Variants in UTP18 observed in about 807,000 individuals in gnomAD.
The protein encoded by UTP18 is U3 small nucleolar RNA-associated protein 18 homolog.
UTP18 carries 36 observed loss-of-function variants against 61.1 expected under a neutral mutation model. That is an observed-to-expected ratio of 0.59 (90% confidence interval 0.45 to 0.78). UTP18 has a LOEUF of 0.78. Among genes scored for constraint, UTP18 ranks in the 30% least tolerant of loss-of-function variants. UTP18 has a pLI of 0.00. For synonymous variants in UTP18, 282 were observed against 251.1 expected (o/e 1.12, Z -1.16); for missense variants, 753 against 693.9 (o/e 1.09, Z -0.96).
At position 51,260,616 on chromosome 17, in the gene UTP18, T is replaced by G. The variant is rs778938607; in HGVS notation, c.32T>G (p.Leu11Arg). 2.2e-5 allele frequency: 35 copies of G among 1,612,508 alleles called. No homozygotes were observed. The highest frequency in any genetic ancestry group is 3.3e-5 in the Admixed American group (2 of 59,974). Residue 11 changes from leucine (L) to arginine (R), a missense_variant, in exon 1 of 14, where the codon CTG (leucine) becomes CGG (arginine). By Grantham distance (102) the Leu-to-Arg change is moderately radical. Coordinates refer to ENST00000225298, the MANE Select transcript of UTP18 (RefSeq NM_016001.3). ...CCGGAGCGGAGGAGACGAATGAAAC[T>G]GGACCGGAGAACCGGAGCGAAGCCG... MPPERRRRMKLDRRTGAKPKR... is the reference protein window; with the variant it reads MPPERRRRMKRDRRTGAKPKR...
chr17:51,260,638 G>A lies in UTP18; in HGVS notation c.54G>A (p.Lys18=), dbSNP rs537645178. Residue 18 remains lysine (K), a synonymous_variant, in exon 1 of 14, where the codon AAG becomes AAA. Coordinates refer to ENST00000225298, the MANE Select transcript of UTP18 (RefSeq NM_016001.3). ...AACTGGACCGGAGAACCGGAGCGAA[G>A]CCGAAGCGGAAGCCCGGAATGAGGC... The part of the protein sequence containing the change: ...RMKLDRRTGA[K]PKRKPGMRPD... 3 of 1,612,614 alleles carry A rather than the reference G, an allele frequency of 1.9e-6. No homozygotes were observed. The highest frequency in any genetic ancestry group is 3.3e-5 in the Admixed American group (2 of 60,006).
chr17:51,271,385 T>C (rs1043573512), intron 4 of UTP18, among the ~76,000 whole-genome samples: 8 of 151,922 alleles, frequency 5.3e-5, no homozygotes, highest in Non-Finnish European at 1.0e-4. Context: ...TGGCTCACTG[T>C]AGTCTCGACC....
At position 51,260,798 on chromosome 17, in the gene UTP18, C is replaced by T. The variant is rs752926608; in HGVS notation, c.214C>T (p.Leu72Phe). ...AVAAAEEERR[L>F]RQRNRLRLEE... ...CGCGGCGGCGGAGGAAGAGAGACGG[C>T]TCCGGCAGCGGAACCGCCTGAGGCT... Residue 72 changes from leucine (L) to phenylalanine (F), a missense_variant, in exon 1 of 14, where the codon CTC (leucine) becomes TTC (phenylalanine). Leu to Phe is a conservative substitution (Grantham distance 22). Coordinates refer to ENST00000225298, the MANE Select transcript of UTP18 (RefSeq NM_016001.3). 9 of 1,581,308 alleles carry T rather than the reference C, an allele frequency of 5.7e-6. No homozygotes were observed. Among genetic ancestry groups the T allele is most frequent in the African/African-American group, 2.7e-5 (2 of 74,198 alleles).
At chr17:51,285,214 T>C (rs1464372973) in intron 9 of UTP18, 31 bp from the exon 10 acceptor site, 5 of 1,610,946 alleles carry the variant, frequency 3.1e-6, no homozygotes, top group Non-Finnish European at 4.2e-6. Flanking sequence ...AAAGCAAAAT[T>C]AACAACTCTT....
intron 3 of UTP18, among the ~76,000 whole-genome samples, chr17:51,266,631 A>G (rs1424027560): frequency 6.6e-6 from 1 of 152,156 alleles, no homozygotes; most frequent in South Asian, 2.1e-4. Flanking sequence ...TGCTTTGTGT[A>G]TTTGGGGGAT....
chr17:51,297,330 T>C (rs1014321585), intron 13 of UTP18, among the ~76,000 whole-genome samples: 4 of 152,336 alleles, frequency 2.6e-5, no homozygotes, highest in East Asian at 3.9e-4. Flanking sequence ...TCTTCAGATA[T>C]AGCTATAGCT....
chr17:51,294,123 T>G, intron 12 of UTP18, 78 bp downstream of exon 12: 10 of 1,204,862 alleles, frequency 8.3e-6, no homozygotes, highest in Non-Finnish European at 1.1e-5. Context: ...TATATATTCC[T>G]AATTCTACAG....
At chr17:51,293,442 C>T (rs532592941) in intron 11 of UTP18, among the ~76,000 whole-genome samples, 42 of 151,028 alleles carry the variant, frequency 2.8e-4, no homozygotes, top group African/African-American at 8.5e-4. Context: ...ACCCACGGCG[C>T]AGGACGGTTT....
At chr17:51,268,666 C>T (rs1322336224) in intron 3 of UTP18, among the ~76,000 whole-genome samples, 171 bp from the exon 4 acceptor site, 1 of 152,150 alleles carries the variant, frequency 6.6e-6, no homozygotes, top group Admixed American at 6.5e-5. Context: ...CAGGTTGGGA[C>T]TGTTCTGTGT....
intron 3 of UTP18, among the ~76,000 whole-genome samples, chr17:51,266,656 A>G (rs1006584930): frequency 1.3e-5 from 2 of 152,172 alleles, no homozygotes; most frequent in Admixed American, 6.5e-5. Context: ...GTGCTTTCCC[A>G]ATGTATTTGA....
In UTP18 at chr17:51,260,583, C is replaced by A. The variant is rs749340207; in HGVS notation, c.-2C>A. On this transcript the variant is annotated 5_prime_UTR_variant, in exon 1 of 14. Coordinates refer to ENST00000225298, the MANE Select transcript of UTP18 (RefSeq NM_016001.3). Reference sequence around the variant, plus strand: ...CGCCTGCGTTTCTCCTCAAACCTAACGATGCCGCCGGAGCGGAGGAGACGA... The same window carrying A: ...CGCCTGCGTTTCTCCTCAAACCTAAAGATGCCGCCGGAGCGGAGGAGACGA... 4.3e-6 allele frequency: 7 copies of A among 1,611,476 alleles called. No individual in the cohort carries two copies. In the Admixed American group the frequency reaches 1.2e-4, roughly 27 times the overall value.
At chr17:51,295,169 A>G (rs1905335133) in intron 12 of UTP18, among the ~76,000 whole-genome samples, 1 of 152,086 alleles carries the variant, frequency 6.6e-6, no homozygotes, top group African/African-American at 2.4e-5. Context: ...CTCTGATGGT[A>G]GTTTCTTTTG....
rs747753017 is a variant in UTP18 at position 51,260,849 on chromosome 17, C to T, written c.265C>T (p.Arg89Trp). 3 of 1,600,606 alleles carry T rather than the reference C, an allele frequency of 1.9e-6. No individual in the cohort carries two copies. Among genetic ancestry groups the T allele is most frequent in the African/African-American group, 1.3e-5 (1 of 74,594 alleles). ...RLEEDKPAVE[R>W]CLEELVFGDV... The stretch of plus-strand genomic sequence containing the variant: ...GGAGGAGGACAAACCGGCCGTGGAG[C>T]GGTGCTTGGAGGAGCTGGTCTTCGG... Residue 89 changes from arginine to tryptophan, a missense_variant, in exon 1 of 14, where the codon CGG (arginine) becomes TGG (tryptophan). By Grantham distance (101) the Arg-to-Trp change is moderately radical (BLOSUM62 -3). Coordinates refer to ENST00000225298, the MANE Select transcript of UTP18 (RefSeq NM_016001.3).
At chr17:51,272,284 A>C (rs188095192) in intron 4 of UTP18, among the ~76,000 whole-genome samples, 8 of 152,084 alleles carry the variant, frequency 5.3e-5, no homozygotes, top group African/African-American at 1.7e-4. Context: ...TTTTTAGTAG[A>C]GACGGGGTTT....
At chr17:51,279,845 G>A (rs1597848671) in intron 7 of UTP18, among the ~76,000 whole-genome samples, 160 bp from the exon 8 acceptor site, 1 of 152,316 alleles carries the variant, frequency 6.6e-6, no homozygotes, top group Admixed American at 6.5e-5. Context: ...GTCAAACTCA[G>A]TGATGCCTGC....
intron 10 of UTP18, chr17:51,286,470 T>C (rs1165829045): frequency 6.6e-6 from 3 of 456,180 alleles, no homozygotes; most frequent in African/African-American, 6.0e-5. Flanking sequence ...CTTTGTTCAC[T>C]CTCTCCTTCC....
chr17:51,296,668 G>T (rs1354026179), intron 12 of UTP18: 1 of 271,126 alleles, frequency 3.7e-6, no homozygotes, highest in Non-Finnish European at 6.9e-6. Flanking sequence ...ACTGTTTCTA[G>T]CTATACCAGT....
chr17:51,293,614 C>G (rs538899566), intron 11 of UTP18, among the ~76,000 whole-genome samples: 2 of 152,158 alleles, frequency 1.3e-5, no homozygotes, highest in African/African-American at 4.8e-5. Context: ...ATTGGACACC[C>G]CTGTCCACCA....
Position 51,280,463 on chromosome 17 carries a change from A to G in UTP18, c.1188A>G (p.Lys396=). The G allele has an allele frequency of 2.5e-6, 4 of 1,614,184 alleles. No individual in the cohort carries two copies. The highest frequency in any genetic ancestry group is 3.4e-6 in the Non-Finnish European group (4 of 1,180,012). Residue 396 remains lysine, a synonymous_variant, in exon 9 of 14, where the codon AAA becomes AAG. Transcript: ENST00000225298. ...CCACATTCTCTTCAGATAGTAAGAAAGTATACGCCTCTTCGGGTAAGACAA... is the reference window on the plus strand; with the variant it reads ...CCACATTCTCTTCAGATAGTAAGAAGGTATACGCCTCTTCGGGTAAGACAA... ...AASTFSSDSK[K]VYASSGDGEV...
Sources: gnomAD v4.1 joint callset for allele counts (sites outside exome capture counted in the v4.1 genomes callset) on GRCh38, gnomAD v4.1.1 for gene constraint, MANE v1.5 for transcripts, NCBI Gene and HGNC (gene_info 2026-07-23, HGNC 2026-07-21) for gene names.